Variants in ZNF735 observed in about 807,000 individuals in gnomAD.
ZNF735 encodes putative zinc finger protein 735.
In ZNF735, 11 loss-of-function variants were observed where a neutral mutation model predicts 13.4. The ratio of observed to expected loss-of-function variants is 0.82; its 90% CI spans 0.52 to 1.36. ZNF735 has a LOEUF of 1.36. Ranked by LOEUF, ZNF735 falls within the 40% of genes most tolerant of loss-of-function variation. The pLI is 0.00. For synonymous variants in ZNF735, 171 were observed against 162.6 expected (o/e 1.05, Z -0.39); for missense variants, 500 against 484.6 (o/e 1.03, Z -0.30).
intron 3 of ZNF735, 144 bp from the exon 4 acceptor site, chr7:64,219,170 T>C (rs764940935): frequency 2.3e-4 from 246 of 1,067,838 alleles, no homozygotes; most frequent in Non-Finnish European, 2.9e-4. Flanking sequence ...GTTACATTTA[T>C]ATATCTATGA....
At chr7:64,207,446 T>C (rs578066438) in intron 1 of ZNF735, among the ~76,000 whole-genome samples, 1 of 152,320 alleles carries the variant, frequency 6.6e-6, no homozygotes, top group Non-Finnish European at 1.5e-5. Context: ...GTTCTGTCTT[T>C]TTCCTCTGCA....
intron 2 of ZNF735, among the ~76,000 whole-genome samples, chr7:64,213,693 G>T (rs368367193): frequency 2.7e-4 from 41 of 152,236 alleles, no homozygotes; most frequent in East Asian, 1.7e-3. Flanking sequence ...AGGCACAGTG[G>T]CTCACACCTG....
chr7:64,220,281 A>G (rs1787477535), exon 4 of ZNF735: 2 of 1,606,190 alleles, frequency 1.2e-6, no homozygotes, highest in Non-Finnish European at 1.7e-6. Context: ...AACCCTACAA[A>G]TGTAAATAAT....
At chr7:64,213,910 G>A (rs2116483455) in intron 2 of ZNF735, 103 bp from the exon 3 acceptor site, 1 of 1,120,704 alleles carries the variant, frequency 8.9e-7, no homozygotes, top group Non-Finnish European at 1.2e-6. Context: ...AGTGAGCTGA[G>A]ATCATGCCAC....
exon 4 of ZNF735, chr7:64,219,786 A>G (rs1355472282): frequency 6.2e-7 from 1 of 1,612,328 alleles, no homozygotes; most frequent in Non-Finnish European, 8.5e-7. Flanking sequence ...GATGTGAGGA[A>G]TGTGGCAAAG....
intron 3 of ZNF735, 102 bp from the exon 4 acceptor site, chr7:64,219,212 C>T: frequency 7.1e-7 from 1 of 1,408,668 alleles, no homozygotes; most frequent in Non-Finnish European, 9.5e-7. Flanking sequence ...TTTGATATGC[C>T]ATTTTGCTAA....
chr7:64,219,550 A>C (rs759516267), exon 4 of ZNF735: 4 of 1,590,780 alleles, frequency 2.5e-6, no homozygotes, highest in Non-Finnish European at 3.4e-6. Context: ...CAAAGTCTTC[A>C]GTAAATTTTC....
intron 3 of ZNF735, 100 bp downstream of exon 3, chr7:64,214,208 G>A: frequency 4.0e-6 from 5 of 1,263,776 alleles, no homozygotes; most frequent in Non-Finnish European, 5.4e-6. Flanking sequence ...GTGCTTTTAT[G>A]GAAAGAGTTT....
chr7:64,218,663 G>T (rs1428711987), intron 3 of ZNF735, among the ~76,000 whole-genome samples: 1 of 151,168 alleles, frequency 6.6e-6, no homozygotes, highest in East Asian at 1.9e-4. Context: ...TGATTTTTTT[G>T]ATTGGACCAT....
rs145245442 is a variant in ZNF735, at chr7:64,208,413, C to T, written c.39+1172C>T. Among the ~76,000 whole-genome samples, 32 of 151,930 alleles carry T rather than the reference C, an allele frequency of 2.1e-4. No homozygotes were observed. The East Asian group carries it at 3.7e-3, about 18-fold the overall frequency. ...CTGGAATTACAGGTGTAGGCCACCA[C>T]GCCCAACTAATTTTTGTATTTTTAG... On this transcript the variant is annotated intron_variant, in intron 1 of 3. Transcript: ENST00000429565.
At chr7:64,214,060 A>G in exon 3 of ZNF735, 1 of 1,600,756 alleles carries the variant, frequency 6.2e-7, no homozygotes. Context: ...GGAGCAAAAT[A>G]AAGAGCCCCA....
chr7:64,219,253 T>C (rs1406002921), intron 3 of ZNF735, 61 bp from the exon 4 acceptor site: 1 of 1,552,150 alleles, frequency 6.4e-7, no homozygotes, highest in African/African-American at 1.4e-5. Flanking sequence ...ATATTTGATT[T>C]GTACAGTATA....
intron 3 of ZNF735, among the ~76,000 whole-genome samples, chr7:64,216,017 C>T (rs1184462953): frequency 6.6e-6 from 1 of 152,012 alleles, no homozygotes; most frequent in Non-Finnish European, 1.5e-5. Context: ...AATTTTAGGT[C>T]AAGCGTGGTG....
At chr7:64,215,065 CTTTTTTTTTTTT>C (rs200637720) in intron 3 of ZNF735, among the ~76,000 whole-genome samples, 1 of 140,868 alleles carries the variant, frequency 7.1e-6, no homozygotes, top group Non-Finnish European at 1.6e-5. Context: ...TTTCTTTTTT[CTTTTTTTTTTTT>C]TGAAACAGAG....
At chr7:64,212,199 G>A (rs1403006712) in intron 1 of ZNF735, among the ~76,000 whole-genome samples, 1 of 152,062 alleles carries the variant, frequency 6.6e-6, no homozygotes, top group Non-Finnish European at 1.5e-5. Flanking sequence ...GCATATATTT[G>A]TCTTTTAAAG....
At chr7:64,213,058 G>C (rs768157282) in intron 1 of ZNF735, 34 bp from the exon 2 acceptor site, 24 of 1,584,362 alleles carry the variant, frequency 1.5e-5, no homozygotes, top group Non-Finnish European at 2.1e-5. Context: ...TATGGTAAGT[G>C]TGTGTTCATG....
At chr7:64,215,460 T>C (rs1457797821) in intron 3 of ZNF735, among the ~76,000 whole-genome samples, 1 of 151,218 alleles carries the variant, frequency 6.6e-6, no homozygotes, top group Non-Finnish European at 1.5e-5. Flanking sequence ...GATTTTCAAA[T>C]ATTGTCACCC....
At chr7:64,210,629 A>G (rs943572021) in intron 1 of ZNF735, among the ~76,000 whole-genome samples, 3 of 152,218 alleles carry the variant, frequency 2.0e-5, no homozygotes, top group Non-Finnish European at 4.4e-5. Flanking sequence ...TCAGTTTGGT[A>G]GGAAGAGGTC....
At chr7:64,219,854 C>A (rs1787468663) in exon 4 of ZNF735, 2 of 1,613,682 alleles carry the variant, frequency 1.2e-6, no homozygotes, top group South Asian at 2.2e-5. Flanking sequence ...GGAGAGAAAC[C>A]CTACGCATGT....
Sources: allele counts gnomAD v4.1 joint callset (sites outside exome capture counted in the v4.1 genomes callset), GRCh38; gene constraint gnomAD v4.1.1; transcripts MANE v1.5; gene names NCBI Gene and HGNC (gene_info 2026-07-23, HGNC 2026-07-21).